RGS11: variants seen among roughly 807,000 people sequenced by gnomAD.
RGS11 encodes regulator of G protein signaling 11.
In RGS11, 86 loss-of-function variants were observed where a neutral mutation model predicts 71.1. The ratio of observed to expected loss-of-function variants is 1.21; its 90% CI spans 1.02 to 1.45. The LOEUF (loss-of-function observed/expected upper bound fraction) is 1.45, where lower values mean the gene tolerates loss of function less well. Among genes scored for constraint, RGS11 ranks in the 40% most tolerant of loss-of-function variants. The probability of loss-of-function intolerance (pLI) is 0.00; values close to 1 mark genes in which losing one functional copy is unlikely to be tolerated. For missense variants in RGS11, 734 were observed against 635.1 expected (o/e 1.16, Z -1.67); for synonymous variants, 298 against 254.2 (o/e 1.17, Z -1.64).
At chr16:271,365 G>C in intron 11 of RGS11, 34 bp downstream of exon 11, 1 of 1,613,074 alleles carries the variant, frequency 6.2e-7, no homozygotes, top group Non-Finnish European at 8.5e-7. Context: ...GCACTCAGCA[G>C]GGGTCTCCAG....
rs35830412 is a variant in RGS11, at chr16:272,651, AG to A, written c.657+211del. ...CCCACCACTCCACTTACCTGCACCC[AG>A]GGCAGCAGGTGGGAGGGGAGAGAAA... On this transcript the variant is annotated intron_variant, in intron 9 of 16. Transcript: ENST00000397770. 4 of 1,408,826 alleles carry A rather than the reference AG, an allele frequency of 2.8e-6. No individual in the cohort carries two copies. In the South Asian group the frequency reaches 5.6e-5, roughly 20 times the overall value. 87.3% of individuals were successfully genotyped at this position (1,408,826 alleles called of 1,614,324 possible).
chr16:272,757 C>G lies in RGS11; in HGVS notation c.657+106G>C, dbSNP rs1030366793. The G allele has an allele frequency of 3.9e-6, 6 of 1,522,502 alleles. No individual in the cohort carries two copies. In the African/African-American group the frequency reaches 6.9e-5, roughly 17 times the overall value. The allele number at this position is 1,522,502 out of a possible 1,614,324, so 94.3% of individuals were successfully genotyped here. On this transcript the variant is annotated intron_variant, in intron 9 of 16. Transcript: ENST00000397770. Reference sequence around the variant, plus strand: ...TTGGGGAGGCTGCACCAAGTGCCCTCTGGGTGGACCAAATGACGGACAGAT... The same window carrying G: ...TTGGGGAGGCTGCACCAAGTGCCCTGTGGGTGGACCAAATGACGGACAGAT...
intron 7 of RGS11, 84 bp downstream of exon 7, chr16:273,676 C>T: frequency 6.5e-7 from 1 of 1,533,632 alleles, no homozygotes; most frequent in Non-Finnish European, 9.0e-7. Context: ...GGTCCCAGGG[C>T]CACCGGAGCC....
chr16:270,623 A>G lies in RGS11; in HGVS notation c.1106T>C (p.Ile369Thr). 1.9e-6 allele frequency: 3 copies of G among 1,608,430 alleles called. No homozygotes were observed. The highest frequency in any genetic ancestry group is 2.5e-6 in the Non-Finnish European group (3 of 1,178,178). ...LAPGAAHWVN[I>T]DSRTMEQTLE... Reference sequence around the variant, plus strand: ...GGTCTGCTCCATGGTCCGGCTGTCGATGTTGACCCAGTGGGCAGCTCCGGG... The same window carrying G: ...GGTCTGCTCCATGGTCCGGCTGTCGGTGTTGACCCAGTGGGCAGCTCCGGG... Residue 369 changes from isoleucine (I) to threonine (T), a missense_variant, in exon 15 of 17, where the codon ATC (isoleucine) becomes ACC (threonine). Ile to Thr is a moderately conservative substitution (Grantham distance 89). Transcript: ENST00000397770.
rs1414352830 is a variant in RGS11 at position 275,034 on chromosome 16, GGGTAGATGTAGCCATGCTGCACCA to G, written c.236_259del (p.Leu79_Tyr86del). 16 of 1,504,972 alleles carry G rather than the reference GGGTAGATGTAGCCATGCTGCACCA, an allele frequency of 1.1e-5. No homozygotes were observed. The highest frequency in any genetic ancestry group is 1.4e-5 in the Non-Finnish European group (16 of 1,124,022). The allele number at this position is 1,504,972 out of a possible 1,614,324, so 93.2% of individuals were successfully genotyped here. ...CATGAGGCTACGGGGGTCGCGCAGC[GGGTAGATGTAGCCATGCTGCACCA>G]GGACGGCGCCCAGGTGCAGGGCCTC... On this transcript the variant is annotated inframe_deletion, in exon 4 of 17. Coordinates refer to ENST00000397770, the MANE Select transcript of RGS11 (RefSeq NM_183337.3).
chr16:275,552 C>T (rs1014486261), intron 1 of RGS11, 54 bp from the exon 2 acceptor site: 13 of 1,410,972 alleles, frequency 9.2e-6, no homozygotes, highest in Non-Finnish European at 1.2e-5. Flanking sequence ...CCCTGATTCC[C>T]TGGCACCGGC....
chr16:269,789 C>G (rs1448693049), intron 15 of RGS11: 5 of 542,360 alleles, frequency 9.2e-6, no homozygotes, highest in South Asian at 5.1e-5. Flanking sequence ...TGGGCCATGT[C>G]GCAGCAAAAA....
intron 4 of RGS11, 134 bp downstream of exon 4, chr16:274,842 C>A: frequency 8.0e-7 from 1 of 1,257,702 alleles, no homozygotes; most frequent in Non-Finnish European, 1.1e-6. Flanking sequence ...GATGGACCAC[C>A]AGCCCACGGC....
At chr16:273,731 A>G (rs766925393) in intron 7 of RGS11, 29 bp downstream of exon 7, 204 of 1,598,272 alleles carry the variant, frequency 1.3e-4, no homozygotes, top group Middle Eastern at 1.0e-3. Context: ...GGGCGCCTGC[A>G]GGCGGGGCGG....
chr16:272,438 G>C lies in RGS11; in HGVS notation c.657+425C>G, dbSNP rs578121991. 7.6e-5 allele frequency: 99 copies of C among 1,308,748 alleles called. 1 individual carries two copies. In the East Asian group the frequency reaches 2.6e-3, roughly 35 times the overall value. 81.1% of individuals were successfully genotyped at this position (1,308,748 alleles called of 1,614,324 possible). On this transcript the variant is annotated intron_variant, in intron 9 of 16. Transcript: ENST00000397770. ...ACTGGTTTGAACAAAGGGTTTTGCT[G>C]CTGCGGGGCTCAGATGCTCCCTCTG...
intron 3 of RGS11, 85 bp from the exon 4 acceptor site, chr16:275,167 C>G (rs1596918777): frequency 1.3e-6 from 2 of 1,574,428 alleles, no homozygotes; most frequent in African/African-American, 1.4e-5. Context: ...CTATGTGCTC[C>G]CCACCCTTGC....
At position 270,518 on chromosome 16, in the gene RGS11, C is replaced by T. The variant is rs2051880833; in HGVS notation, c.1206+5G>A. ...CCTGCCCCTGCAGGCTGGCCCAGCA[C>T]CCACCTTCTTCATGAGCATGTATAT... On this transcript the variant is annotated splice_donor_5th_base_variant and intron_variant, in intron 15 of 16. Transcript: ENST00000397770. 1 of 1,600,940 alleles carries T rather than the reference C, an allele frequency of 6.2e-7. No individual in the cohort carries two copies. The highest frequency in any genetic ancestry group is 1.3e-5 in the African/African-American group (1 of 74,764).
intron 1 of RGS11, 31 bp downstream of exon 1, chr16:275,818 G>A (rs2052156726): frequency 5.9e-6 from 6 of 1,013,886 alleles, no homozygotes; most frequent in Non-Finnish European, 7.4e-6. Context: ...CGGGAAATCG[G>A]GGGACGGCGG....
chr16:270,446 A>T lies in RGS11; in HGVS notation c.1206+77T>A, dbSNP rs759531351. The stretch of plus-strand genomic sequence containing the variant: ...CAACGTGGGCAGTGCCTGTGCGGAC[A>T]GAGCCCTTGAGGGTGGGGACATGGA... On this transcript the variant is annotated intron_variant, in intron 15 of 16. Transcript: ENST00000397770. 3.4e-6 allele frequency: 5 copies of T among 1,478,258 alleles called. No individual in the cohort carries two copies. In the Admixed American group the frequency reaches 1.1e-4, roughly 32 times the overall value. 91.6% of individuals were successfully genotyped at this position (1,478,258 alleles called of 1,614,324 possible).
At position 271,102 on chromosome 16, in the gene RGS11, G is replaced by T. The variant is rs2051913807; in HGVS notation, c.864-3C>A. On this transcript the variant is annotated splice_region_variant and splice_polypyrimidine_tract_variant and intron_variant, in intron 12 of 16. Transcript: ENST00000397770. The stretch of plus-strand genomic sequence containing the variant: ...GGAGCTTCGTGGGGGCAGCCACCCT[G>T]GGGAGAGGGCAGGGCTGTTGGGGAG... The T allele has an allele frequency of 1.2e-6, 2 of 1,610,998 alleles. No homozygotes were observed. Among genetic ancestry groups the T allele is most frequent in the East Asian group, 4.5e-5 (2 of 44,818 alleles).
intron 15 of RGS11, 26 bp downstream of exon 15, chr16:270,497 C>G (rs762805058): frequency 5.8e-5 from 92 of 1,583,772 alleles, no homozygotes; most frequent in Admixed American, 1.2e-4. Context: ...ACCCCTCCTG[C>G]CCCTGCAGGC....
rs1190252126 is a variant in RGS11, at chr16:269,229, T to G, written c.*40A>C. The G allele has an allele frequency of 1.4e-6, 2 of 1,392,106 alleles. No individual in the cohort carries two copies. Among genetic ancestry groups the G allele is most frequent in the African/African-American group, 2.9e-5 (2 of 69,968 alleles). 86.2% of individuals were successfully genotyped at this position (1,392,106 alleles called of 1,614,324 possible). Reference sequence around the variant, plus strand: ...GTGGCTGCTGCATTCACGCAGGACGTTGAGCTGCAGGGACTAGAGTGGCAG... The same window carrying G: ...GTGGCTGCTGCATTCACGCAGGACGGTGAGCTGCAGGGACTAGAGTGGCAG... On this transcript the variant is annotated 3_prime_UTR_variant, in exon 17 of 17. Coordinates refer to ENST00000397770, the MANE Select transcript of RGS11 (RefSeq NM_183337.3).
intron 3 of RGS11, 47 bp downstream of exon 3, chr16:275,236 C>A (rs1347767332): frequency 1.2e-6 from 2 of 1,610,702 alleles, no homozygotes; most frequent in South Asian, 1.1e-5. Flanking sequence ...CAGGCCTAGG[C>A]CACCAGCCCA....
intron 13 of RGS11, 68 bp from the exon 14 acceptor site, chr16:270,899 A>G (rs544509919): frequency 6.3e-7 from 1 of 1,582,682 alleles, no homozygotes; most frequent in East Asian, 2.3e-5. Context: ...GGGGGTTCCC[A>G]GGGAGCTGGT....
Sources: allele counts gnomAD v4.1 joint callset, GRCh38; gene constraint gnomAD v4.1.1; transcripts MANE v1.5; gene names NCBI Gene and HGNC (gene_info 2026-07-23, HGNC 2026-07-21).